The following AFG1L variants were observed in gnomAD, a reference collection of about 807,000 sequenced individuals.
The protein encoded by AFG1L is AFG1-like ATPase.
AFG1L carries 53 observed loss-of-function variants against 62.2 expected under a neutral mutation model. That is an observed-to-expected ratio of 0.85 (90% CI 0.68 to 1.07). The LOEUF (loss-of-function observed/expected upper bound fraction) is 1.07. Among genes scored for constraint, AFG1L ranks in the 50% least tolerant of loss-of-function variants. The pLI, the probability that AFG1L is intolerant of heterozygous loss-of-function variation, is 0.00. For synonymous variants in AFG1L, 228 were observed against 210.3 expected (o/e 1.08, Z -0.73); for missense variants, 555 against 590.5 (o/e 0.94, Z 0.62).
intron 10 of AFG1L, among the ~76,000 whole-genome samples, chr6:108,505,463 G>T (rs1379489671): frequency 2.0e-5 from 3 of 152,080 alleles, no homozygotes; most frequent in Non-Finnish European, 2.9e-5. Context: ...GGCATATGAG[G>T]AGACAAGACA....
intron 1 of AFG1L, among the ~76,000 whole-genome samples, chr6:108,302,769 A>G (rs1777056500): frequency 6.6e-6 from 1 of 152,244 alleles, no homozygotes; most frequent in South Asian, 2.1e-4. Flanking sequence ...GTTACAAATG[A>G]AAACAGATTT....
intron 1 of AFG1L, among the ~76,000 whole-genome samples, chr6:108,307,345 A>G (rs1345135925): frequency 1.3e-5 from 2 of 152,074 alleles, no homozygotes; most frequent in Admixed American, 6.5e-5. Context: ...TAAAAATACT[A>G]CATCATGTTT....
intron 6 of AFG1L, among the ~76,000 whole-genome samples, chr6:108,373,877 C>T (rs9386724): frequency 0.37 from 56,082 of 152,026 alleles, 12,465 homozygotes; most frequent in East Asian, 0.63. Flanking sequence ...TGCGCCTGGC[C>T]GGTAGTTCTG....
At chr6:108,480,819 CA>C (rs1205014602) in intron 10 of AFG1L, among the ~76,000 whole-genome samples, 1 of 152,088 alleles carries the variant, frequency 6.6e-6, no homozygotes, top group Non-Finnish European at 1.5e-5. Context: ...ATAACAACAA[CA>C]AAAATAAATA....
intron 8 of AFG1L, among the ~76,000 whole-genome samples, chr6:108,472,185 T>C (rs1772923157): frequency 6.6e-6 from 1 of 151,946 alleles, no homozygotes; most frequent in Non-Finnish European, 1.5e-5. Flanking sequence ...AGAAATAGAA[T>C]AGAGCAGTCA....
At chr6:108,415,093 G>T (rs1202354536) in intron 7 of AFG1L, among the ~76,000 whole-genome samples, 1 of 152,134 alleles carries the variant, frequency 6.6e-6, no homozygotes, top group Admixed American at 6.6e-5. Flanking sequence ...CAAAATCAAT[G>T]TGCAAAAATC....
intron 8 of AFG1L, among the ~76,000 whole-genome samples, chr6:108,466,655 C>T (rs1345533810): frequency 6.6e-6 from 1 of 151,586 alleles, no homozygotes; most frequent in Non-Finnish European, 1.5e-5. Context: ...AGAGAGCCCT[C>T]ACCAAAAATC....
chr6:108,295,225 G>T lies in AFG1L; in HGVS notation c.139+7G>T. The stretch of plus-strand genomic sequence containing the variant: ...GGGAAGCCCTTTTGGAAAGGTCAGT[G>T]ACTGTGCCATGAGTAGTCCGAGCCG... On this transcript the variant is annotated splice_region_variant and intron_variant, in intron 1 of 12. Transcript: ENST00000368977. The T allele has an allele frequency of 1.2e-6, 2 of 1,600,132 alleles. No individual in the cohort carries two copies. The highest frequency in any genetic ancestry group is 1.1e-5 in the South Asian group (1 of 90,840).
rs553652849 is a variant in AFG1L, at chr6:108,464,555, T to A, written c.891-12310T>A. Among the ~76,000 whole-genome samples, 3 of 152,272 alleles carry A rather than the reference T, an allele frequency of 2.0e-5. No individual in the cohort carries two copies. The South Asian group carries it at 6.2e-4, about 32-fold the overall frequency. On this transcript the variant is annotated intron_variant, in intron 8 of 12. Transcript: ENST00000368977. ...GCCAAATTTCCTGGCAACTGAACAGTGGTCGATTCCAGGGTTTTTCTGACT... is the reference window on the plus strand; with the variant it reads ...GCCAAATTTCCTGGCAACTGAACAGAGGTCGATTCCAGGGTTTTTCTGACT...
At chr6:108,380,160 C>T (rs1582476320) in intron 6 of AFG1L, among the ~76,000 whole-genome samples, 1 of 147,628 alleles carries the variant, frequency 6.8e-6, no homozygotes, top group East Asian at 2.1e-4. Context: ...ACCAGGATCT[C>T]TGTTCAGGAA....
chr6:108,307,420 T>A (rs1462211215), intron 1 of AFG1L, among the ~76,000 whole-genome samples: 2 of 152,010 alleles, frequency 1.3e-5, no homozygotes, highest in South Asian at 2.1e-4. Flanking sequence ...TTATTTTTTT[T>A]TTTTTTTGGA....
chr6:108,487,655 G>A (rs1357442239), intron 10 of AFG1L, among the ~76,000 whole-genome samples: 1 of 152,158 alleles, frequency 6.6e-6, no homozygotes, highest in Non-Finnish European at 1.5e-5. Context: ...AGGATGCTAA[G>A]GGTTGGAAAG....
intron 8 of AFG1L, among the ~76,000 whole-genome samples, chr6:108,457,977 C>T (rs772187801): frequency 6.6e-6 from 1 of 151,470 alleles, no homozygotes; most frequent in Non-Finnish European, 1.5e-5. Flanking sequence ...GCTTTCTTCT[C>T]TTCTGGCTTG....
At chr6:108,417,018 G>A (rs990049427) in intron 7 of AFG1L, among the ~76,000 whole-genome samples, 6 of 151,766 alleles carry the variant, frequency 4.0e-5, no homozygotes, top group Admixed American at 1.3e-4. Context: ...TTGGAGGATT[G>A]CTTGAGGAGT....
intron 7 of AFG1L, among the ~76,000 whole-genome samples, chr6:108,423,610 C>G (rs971374794): frequency 1.1e-4 from 16 of 151,908 alleles, no homozygotes; most frequent in Non-Finnish European, 7.4e-5. Context: ...GTATCTACAC[C>G]TCCCATTTTT....
chr6:108,466,752 T>TGTA (rs778780210), intron 8 of AFG1L, among the ~76,000 whole-genome samples: 2 of 137,292 alleles, frequency 1.5e-5, no homozygotes, highest in African/African-American at 2.6e-5. Context: ...TTAAAATATA[T>TGTA]TTGTTAAAAT....
intron 6 of AFG1L, among the ~76,000 whole-genome samples, chr6:108,380,367 C>T (rs117750994): frequency 0.015 from 2,250 of 152,214 alleles, 29 homozygotes; most frequent in Non-Finnish European, 0.025. Context: ...AGAGAGAGGG[C>T]CCTGCTGCAC....
chr6:108,522,518 T>C lies in AFG1L; in HGVS notation c.*93T>C. 2 of 1,391,852 alleles carry C rather than the reference T, an allele frequency of 1.4e-6. No individual in the cohort carries two copies. Among genetic ancestry groups the C allele is most frequent in the Non-Finnish European group, 2.0e-6 (2 of 1,021,934 alleles). 86.2% of individuals were successfully genotyped at this position (1,391,852 alleles called of 1,614,324 possible). On this transcript the variant is annotated 3_prime_UTR_variant, in exon 13 of 13. Transcript: ENST00000368977. ...CTTGAAGGAATCATTTTCTCATCAT[T>C]AATTATGCACTTTGTCCTCTGGACC...
intron 2 of AFG1L, among the ~76,000 whole-genome samples, chr6:108,337,700 G>A (rs1412185191): frequency 6.6e-6 from 1 of 152,104 alleles, no homozygotes; most frequent in East Asian, 1.9e-4. Flanking sequence ...TTTCAGTTAA[G>A]TAGAAACCTA....
Sources: allele counts gnomAD v4.1 joint callset (sites outside exome capture counted in the v4.1 genomes callset), GRCh38; gene constraint gnomAD v4.1.1; transcripts MANE v1.5; gene names NCBI Gene and HGNC (gene_info 2026-07-23, HGNC 2026-07-21).